Variants in DYSF observed in about 807,000 individuals in gnomAD.
The protein encoded by DYSF is dysferlin.
A neutral mutation model predicts 274.9 loss-of-function variants in DYSF; 212 were observed. That is an observed-to-expected ratio of 0.77 (90% CI 0.69 to 0.86). The LOEUF (loss-of-function observed/expected upper bound fraction) is 0.86, where lower values mean the gene tolerates loss of function less well. DYSF is among the 40% of genes least tolerant of loss of function. The pLI is 0.00. For synonymous variants in DYSF, 1,091 were observed against 1,078.7 expected (o/e 1.01, Z -0.22); for missense variants, 2,666 against 2,783.2 (o/e 0.96, Z 0.95).
At chr2:71,587,189 G>T (rs573033391) in intron 30 of DYSF, among the ~76,000 whole-genome samples, 2 of 152,324 alleles carry the variant, frequency 1.3e-5, no homozygotes, top group East Asian at 1.9e-4. Context: ...GCTGGGCTTG[G>T]TGCTCCCTCC....
chr2:71,455,764 T>G (rs1338840878), intron 1 of DYSF, among the ~76,000 whole-genome samples: 1 of 152,114 alleles, frequency 6.6e-6, no homozygotes, highest in Non-Finnish European at 1.5e-5. Context: ...GTGCTCCAAA[T>G]GTACACTCAG....
chr2:71,457,743 G>A (rs563173031), intron 1 of DYSF, among the ~76,000 whole-genome samples: 1 of 152,308 alleles, frequency 6.6e-6, no homozygotes, highest in South Asian at 2.1e-4. Context: ...CCTCCAGGCA[G>A]TGCTCTCGTT....
Position 71,513,299 on chromosome 2 carries a change from A to G in DYSF, c.520A>G (p.Arg174Gly). ...GCTCAGTGACAGCACCATGGACACG[A>G]GATACTCTGGAAAGAAGTGGCCGGC... ...SLLSDSTMDT[R>G]YSGKKWPAPT... The change falls in exon 6 of 56, where the codon AGA becomes GGA. Residue 174 changes from arginine (R) to glycine (G), a missense_variant. Physicochemically the swap from Arg to Gly is moderately radical, Grantham distance 125. This residue lies in a region of DYSF where 794 missense variants were observed against 777.1 expected (regional missense o/e 1.02). Coordinates refer to ENST00000410020, the MANE Select transcript of DYSF (RefSeq NM_001130987.2). 6.4e-7 allele frequency: 1 copy of G among 1,551,604 alleles called. No homozygotes were observed. Among genetic ancestry groups the G allele is most frequent in the Non-Finnish European group, 8.7e-7 (1 of 1,146,954 alleles).
chr2:71,646,223 A>C (rs2094565695), intron 42 of DYSF, among the ~76,000 whole-genome samples: 2 of 152,244 alleles, frequency 1.3e-5, no homozygotes, highest in South Asian at 4.1e-4. Context: ...AGAAGGTCTG[A>C]CACATTAGGT....
chr2:71,608,085 G>A lies in DYSF; in HGVS notation c.3958-3160G>A, dbSNP rs2093677579. Among the ~76,000 whole-genome samples, 3 of 152,126 alleles carry A rather than the reference G, an allele frequency of 2.0e-5. No homozygotes were observed. In the South Asian group the frequency reaches 6.2e-4, roughly 32 times the overall value. ...CAGATGCTGCTGAGGGGGTGAGAGA[G>A]AGAAGAGCCCACGAGTGTCCTTCGG... On this transcript the variant is annotated intron_variant, in intron 36 of 55. Transcript: ENST00000410020.
intron 41 of DYSF, among the ~76,000 whole-genome samples, chr2:71,629,326 C>T (rs1477844411): frequency 6.6e-6 from 1 of 152,092 alleles, no homozygotes. Context: ...TGAAGGTCTC[C>T]TGTCCCTTTG....
chr2:71,672,029 C>T (rs568747893), intron 51 of DYSF, among the ~76,000 whole-genome samples: 1 of 152,132 alleles, frequency 6.6e-6, no homozygotes, highest in South Asian at 2.1e-4. Flanking sequence ...GAGGGAAGGC[C>T]AGAGGGGAAG....
intron 43 of DYSF, among the ~76,000 whole-genome samples, chr2:71,656,678 G>A (rs2094778589): frequency 6.6e-6 from 1 of 152,140 alleles, no homozygotes; most frequent in South Asian, 2.1e-4. Context: ...TGGCGGGAGG[G>A]GAAAGGCAGT....
intron 52 of DYSF, among the ~76,000 whole-genome samples, chr2:71,676,242 A>G (rs1275641663): frequency 1.3e-5 from 2 of 152,100 alleles, no homozygotes; most frequent in Non-Finnish European, 2.9e-5. Flanking sequence ...CCCTCTAGAA[A>G]GGTTTTACTT....
At chr2:71,665,982 G>T (rs989693997) in intron 47 of DYSF, among the ~76,000 whole-genome samples, 1 of 152,160 alleles carries the variant, frequency 6.6e-6, no homozygotes, top group Non-Finnish European at 1.5e-5. Context: ...GATGTTTGAT[G>T]TCAGAGCTGG....
intron 1 of DYSF, among the ~76,000 whole-genome samples, chr2:71,480,531 G>A (rs1402315071): frequency 2.6e-5 from 4 of 152,066 alleles, no homozygotes; most frequent in African/African-American, 4.8e-5. Context: ...TCCAGCCTGG[G>A]CAACAGAGTG....
intron 40 of DYSF, among the ~76,000 whole-genome samples, chr2:71,617,266 CAA>C (rs1217648993): frequency 2.0e-5 from 3 of 152,154 alleles, no homozygotes; most frequent in African/African-American, 7.2e-5. Context: ...ACTCTGGTCA[CAA>C]AGAGACAAGG....
Position 71,561,870 on chromosome 2 carries a change from G to A in DYSF, c.2335G>A (p.Gly779Ser), listed in dbSNP as rs138654170. ...ITEAALALKL[G>S]HSELPAALEQ... Reference sequence around the variant, plus strand: ...TGAGGCTGCCCTGGCCCTGAAGCTCGGCCACAGTGAGCTCCCTGCAGCTCT... The same window carrying A: ...TGAGGCTGCCCTGGCCCTGAAGCTCAGCCACAGTGAGCTCCCTGCAGCTCT... The change falls in exon 23 of 56, where the codon GGC (glycine) becomes AGC (serine). Residue 779 changes from glycine to serine, a missense_variant. Coordinates refer to ENST00000410020, the MANE Select transcript of DYSF (RefSeq NM_001130987.2). 382 of 1,614,056 alleles carry A rather than the reference G, an allele frequency of 2.4e-4. No individual in the cohort carries two copies. The African/African-American group carries it at 2.7e-3, about 12-fold the overall frequency.
chr2:71,631,283 T>G (rs76169417), intron 41 of DYSF, among the ~76,000 whole-genome samples: 1,531 of 152,324 alleles, frequency 0.01, 74 homozygotes, highest in Admixed American at 0.079. Flanking sequence ...ATTCATGGTT[T>G]TACCTGTACT....
At chr2:71,545,194 T>A (rs2090370820) in intron 17 of DYSF, among the ~76,000 whole-genome samples, 1 of 152,182 alleles carries the variant, frequency 6.6e-6, no homozygotes. Context: ...CAAGGCCATG[T>A]GGCAAGAAAG....
intron 1 of DYSF, among the ~76,000 whole-genome samples, chr2:71,469,201 A>T (rs935682166): frequency 6.6e-6 from 1 of 152,186 alleles, no homozygotes; most frequent in Non-Finnish European, 1.5e-5. Flanking sequence ...TTGCGGGAGC[A>T]TTCACTGGGG....
chr2:71,678,917 G>A, intron 52 of DYSF, 140 bp from the exon 53 acceptor site: 2 of 751,588 alleles, frequency 2.7e-6, no homozygotes, highest in African/African-American at 1.7e-5. Flanking sequence ...GAGTTCGTGA[G>A]ATTTTACCTG....
chr2:71,516,465 C>T (rs890704045), intron 9 of DYSF, among the ~76,000 whole-genome samples: 5 of 152,200 alleles, frequency 3.3e-5, no homozygotes, highest in Admixed American at 6.5e-5. Context: ...TCAGGCTCTA[C>T]GGGTCACAGA....
At chr2:71,567,867 G>C in intron 24 of DYSF, 84 bp from the exon 25 acceptor site, 1 of 1,580,084 alleles carries the variant, frequency 6.3e-7, no homozygotes, top group Non-Finnish European at 8.6e-7. Flanking sequence ...ACCCAGGCTT[G>C]GAGGACTCCT....
Sources: allele counts gnomAD v4.1 joint callset (sites outside exome capture counted in the v4.1 genomes callset), GRCh38; gene constraint gnomAD v4.1.1; regional missense constraint gnomAD v4.1.1; transcripts MANE v1.5; gene names NCBI Gene and HGNC (gene_info 2026-07-23, HGNC 2026-07-21).